The following MAST3 variants were observed in gnomAD, a reference collection of about 807,000 sequenced individuals.
MAST3 encodes microtubule associated serine/threonine kinase 3.
Under a neutral mutation model 127.0 loss-of-function variants are expected in MAST3, and 43 were observed. The observed-to-expected ratio is 0.34, with a 90% CI of 0.27 to 0.44. The LOEUF (loss-of-function observed/expected upper bound fraction) is 0.44, where lower values mean the gene tolerates loss of function less well. MAST3 is among the 20% of genes least tolerant of loss of function. The pLI is 1.00. For missense variants in MAST3, 1,390 were observed against 1,919.1 expected (o/e 0.72, Z 5.15); for synonymous variants, 785 against 809.2 (o/e 0.97, Z 0.51).
chr19:18,113,754 G>A (rs751633587), intron 3 of MAST3, among the ~76,000 whole-genome samples: 3 of 151,750 alleles, frequency 2.0e-5, no homozygotes, highest in African/African-American at 4.8e-5. Flanking sequence ...GAGCCACTGC[G>A]CCTGGCCTGA....
At chr19:18,122,159 C>G (rs2040063992) in intron 5 of MAST3, 1 of 982,474 alleles carries the variant, frequency 1.0e-6, no homozygotes. Context: ...GGTGGGGGGT[C>G]ATGGGGGGAT....
At position 18,124,049 on chromosome 19, in the gene MAST3, C is replaced by T. The variant is rs530169140; in HGVS notation, c.744C>T (p.Val248=). The T allele has an allele frequency of 3.5e-5, 56 of 1,606,712 alleles. No homozygotes were observed. The highest frequency in any genetic ancestry group is 2.3e-4 in the South Asian group (21 of 89,656). ...GVLGFIHHQI[V]ELARDCLAKS... The stretch of plus-strand genomic sequence containing the variant: ...TGGGCTTCATCCACCACCAGATCGT[C>T]GAGCTGGCCCGAGACTGCTTGGCCA... The change falls in exon 9 of 28, where the codon GTC becomes GTT. Residue 248 remains valine, a synonymous_variant. Coordinates refer to ENST00000687212, the MANE Select transcript of MAST3 (RefSeq NM_001393504.1).
chr19:18,135,668 G>A, intron 17 of MAST3, 72 bp from the exon 18 acceptor site: 1 of 1,135,266 alleles, frequency 8.8e-7, no homozygotes, highest in Admixed American at 2.0e-5. Flanking sequence ...AGGGGAAATG[G>A]TGGATGGTAC....
At chr19:18,130,754 A>C in intron 14 of MAST3, 52 bp downstream of exon 14, 1 of 1,558,144 alleles carries the variant, frequency 6.4e-7, no homozygotes, top group Non-Finnish European at 8.8e-7. Context: ...TCACCCCTCC[A>C]CGCCTGGGAG....
At chr19:18,127,551 G>T (rs557903150) in intron 11 of MAST3, among the ~76,000 whole-genome samples, 2 of 152,324 alleles carry the variant, frequency 1.3e-5, no homozygotes, top group East Asian at 3.9e-4. Flanking sequence ...AGGTGTGGTG[G>T]CAGGCGCCTG....
intron 3 of MAST3, among the ~76,000 whole-genome samples, chr19:18,116,376 T>TGTTGGCTGGGCAAGGTGGCTCACG (rs2039256939): frequency 6.6e-6 from 1 of 151,008 alleles, no homozygotes; most frequent in African/African-American, 2.4e-5. Context: ...CACTGCAACC[T>TGTTGGCTGGGCAAGGTGGCTCACG]CCGCCTCCTG....
intron 8 of MAST3, 83 bp downstream of exon 8, chr19:18,123,738 A>G (rs549780332): frequency 2.2e-5 from 27 of 1,228,690 alleles, no homozygotes; most frequent in Middle Eastern, 4.8e-4. Flanking sequence ...CTTCCTGGCT[A>G]TGTCCCCTTT....
intron 25 of MAST3, 103 bp from the exon 26 acceptor site, chr19:18,146,778 G>A: frequency 1.8e-6 from 2 of 1,132,448 alleles, no homozygotes; most frequent in Non-Finnish European, 2.5e-6. Context: ...CTGGGGTGGT[G>A]GGTCCCAGCT....
intron 1 of MAST3, among the ~76,000 whole-genome samples, chr19:18,103,742 A>T (rs564828234): frequency 3.9e-5 from 6 of 152,278 alleles, no homozygotes; most frequent in African/African-American, 1.4e-4. Flanking sequence ...AAACTGAGGC[A>T]CAGAGGGGTT....
chr19:18,138,316 A>G (rs2042095598), intron 19 of MAST3, among the ~76,000 whole-genome samples: 1 of 70,988 alleles, frequency 1.4e-5, no homozygotes, highest in Non-Finnish European at 2.5e-5. Flanking sequence ...TGGTCCCACA[A>G]CCTGTTTTTT....
At chr19:18,113,054 G>A (rs2038814076) in intron 3 of MAST3, among the ~76,000 whole-genome samples, 2 of 152,140 alleles carry the variant, frequency 1.3e-5, no homozygotes, top group African/African-American at 4.8e-5. Flanking sequence ...ATGAAGGGAG[G>A]GACCCGTGTG....
chr19:18,116,145 G>A (rs1308396963), intron 3 of MAST3, among the ~76,000 whole-genome samples: 2 of 126,554 alleles, frequency 1.6e-5, no homozygotes, highest in Non-Finnish European at 3.1e-5. Flanking sequence ...CCAGGCTGGA[G>A]TGCATTGGTG....
intron 6 of MAST3, 54 bp downstream of exon 6, chr19:18,122,805 G>A (rs987631119): frequency 7.4e-5 from 115 of 1,544,954 alleles, no homozygotes; most frequent in Non-Finnish European, 9.7e-5. Context: ...GTTGTGGGGG[G>A]ACACATCTTT....
chr19:18,110,638 CTCTT>C lies in MAST3; in HGVS notation c.72-8_72-5del. On this transcript the variant is annotated splice_polypyrimidine_tract_variant and intron_variant, in intron 2 of 27. Transcript: ENST00000687212. The surrounding 1 kb of genome is among the most constrained non-coding windows in gnomAD (Gnocchi z 4.3). Reference sequence around the variant, plus strand: ...GGCCGCCAGGTTCACCGTCCCCGGCCTCTTTCTTTGCAGTCTGTCTCCGAGCAGC... The same window carrying C: ...GGCCGCCAGGTTCACCGTCCCCGGCCTCTTTGCAGTCTGTCTCCGAGCAGC... The C allele has an allele frequency of 1.0e-6, 1 of 984,162 alleles. No homozygotes were observed. The highest frequency in any genetic ancestry group is 1.2e-6 in the Non-Finnish European group (1 of 828,368). The allele number at this position is 984,162 out of a possible 1,614,324, so 61.0% of individuals were successfully genotyped here. A position where few individuals can be genotyped will look rare whatever the true frequency, so the allele number is the denominator to read the frequency against.
intron 27 of MAST3, among the ~76,000 whole-genome samples, chr19:18,148,679 G>A (rs1318488766): frequency 6.6e-6 from 1 of 151,994 alleles, no homozygotes; most frequent in Admixed American, 6.6e-5. Context: ...AAAGCAGGCG[G>A]ATCACTTGAG....
Position 18,143,799 on chromosome 19 carries a change from G to T in MAST3, c.2376G>T (p.Gln792His). Residue 792 changes from glutamine (Q) to histidine (H), a missense_variant, in exon 22 of 28, where the codon CAG (glutamine) becomes CAT (histidine). This residue lies in a region of MAST3 where 816 missense variants were observed against 934.1 expected (regional missense o/e 0.87). Transcript: ENST00000687212. ...RSWTSSGSSC[Q>H]SSSSQPERGP... ...GGACATCCTCTGGATCCTCCTGTCA[G>T]TCATCTTCGTCCCAGCCCGAGCGGG... 1 of 1,613,762 alleles carries T rather than the reference G, an allele frequency of 6.2e-7. No homozygotes were observed. Among genetic ancestry groups the T allele is most frequent in the Middle Eastern group, 1.6e-4 (1 of 6,062 alleles).
rs533513850 is a variant in MAST3, at chr19:18,139,076, G to T, written c.2157G>T (p.Ser719=). The change falls in exon 20 of 28, where the codon TCG becomes TCT. Residue 719 remains serine, a synonymous_variant. Transcript: ENST00000687212. ...SEDDETNDEE[S]STEIPQFSSC... Reference sequence around the variant, plus strand: ...ACGACGAGACCAATGATGAAGAATCGTCCACAGAGATCCCCCAGTTCTCCT... The same window carrying T: ...ACGACGAGACCAATGATGAAGAATCTTCCACAGAGATCCCCCAGTTCTCCT... The T allele has an allele frequency of 1.9e-6, 3 of 1,605,138 alleles. No homozygotes were observed. In the South Asian group the frequency reaches 3.4e-5, roughly 18 times the overall value.
chr19:18,101,447 C>T (rs537365172), intron 1 of MAST3, among the ~76,000 whole-genome samples: 10 of 151,218 alleles, frequency 6.6e-5, no homozygotes, highest in African/African-American at 2.4e-4. Context: ...CCATTTAATT[C>T]CAGGGGCATC....
intron 2 of MAST3, 40 bp downstream of exon 2, chr19:18,107,658 T>C (rs2038184064): frequency 6.3e-7 from 1 of 1,597,306 alleles, no homozygotes; most frequent in Non-Finnish European, 8.5e-7. Context: ...TGGGCCCCAG[T>C]GGTCTTGGAA....
Sources: allele counts gnomAD v4.1 joint callset (sites outside exome capture counted in the v4.1 genomes callset), GRCh38; gene constraint gnomAD v4.1.1; regional missense constraint gnomAD v4.1.1; non-coding constraint Gnocchi (gnomAD v3.1); transcripts MANE v1.5; gene names NCBI Gene and HGNC (gene_info 2026-07-23, HGNC 2026-07-21).